Variants in CNTLN observed in about 807,000 individuals in gnomAD.
CNTLN encodes the protein centlein, centrosomal protein.
Under a neutral mutation model 180.0 loss-of-function variants are expected in CNTLN, and 212 were observed. The ratio of observed to expected loss-of-function variants is 1.18; its 90% confidence interval spans 1.05 to 1.32. The LOEUF (loss-of-function observed/expected upper bound fraction) is 1.32, where lower values mean the gene tolerates loss of function less well. Ranked by LOEUF, CNTLN falls within the 40% of genes most tolerant of loss-of-function variation. CNTLN has a pLI of 0.00. For missense variants in CNTLN, 2,095 were observed against 1,610.9 expected (o/e 1.30, Z -5.14); for synonymous variants, 722 against 563.1 (o/e 1.28, Z -3.99).
intron 15 of CNTLN, among the ~76,000 whole-genome samples, chr9:17,400,547 A>G (rs1826891441): frequency 6.6e-6 from 1 of 152,196 alleles, no homozygotes; most frequent in African/African-American, 2.4e-5. Context: ...GACCATAGGC[A>G]TGCTATTTGA....
At position 17,289,152 on chromosome 9, in the gene CNTLN, G is replaced by A. The variant is rs569416904; in HGVS notation, c.984-9038G>A. ...GATTTTGCAGCGGCTGGTACCAGTT[G>A]TTCCTTTCCATGTTTAGCGCTTCCT... is the stretch of plus-strand genomic sequence containing the variant. On this transcript the variant is annotated intron_variant, in intron 6 of 25. Transcript: ENST00000380647. Among the ~76,000 whole-genome samples, 364 of 115,508 alleles carry A rather than the reference G, an allele frequency of 3.2e-3. 47 individuals are homozygous for A. The highest frequency in any genetic ancestry group is 5.0e-3 in the Admixed American group (58 of 11,686). The allele number at this position is 115,508 out of a possible 152,430, so 75.8% of individuals were successfully genotyped here. A position where few individuals can be genotyped will look rare whatever the true frequency, so the allele number is the denominator to read the frequency against.
At chr9:17,211,195 C>T (rs1454367993) in intron 2 of CNTLN, among the ~76,000 whole-genome samples, 3 of 152,078 alleles carry the variant, frequency 2.0e-5, no homozygotes, top group East Asian at 1.9e-4. Context: ...TTAGGTCTAA[C>T]GTTTAAGTCT....
At position 17,325,556 on chromosome 9, in the gene CNTLN, TACAC is replaced by T. The variant is rs142190202; in HGVS notation, c.1342-5059_1342-5056del. Among the ~76,000 whole-genome samples, 5 of 147,536 alleles carry T rather than the reference TACAC, an allele frequency of 3.4e-5. 1 individual carries two copies. The highest frequency in any genetic ancestry group is 7.4e-5 in the African/African-American group (3 of 40,448). On this transcript the variant is annotated intron_variant, in intron 8 of 25. Coordinates refer to ENST00000380647, the MANE Select transcript of CNTLN (RefSeq NM_017738.4). ...TATATACACATGTAACAGATTTTATTACACACACACACACACACACGCACACACA... is the reference window on the plus strand; with the variant it reads ...TATATACACATGTAACAGATTTTATTACACACACACACACACGCACACACA...
chr9:17,219,212 C>T (rs1213251452), intron 2 of CNTLN, among the ~76,000 whole-genome samples: 1 of 150,760 alleles, frequency 6.6e-6, no homozygotes, highest in Non-Finnish European at 1.5e-5. Context: ...AGTCATTGAT[C>T]ATCATCAGCT....
chr9:17,173,582 T>A (rs1388685939), intron 2 of CNTLN, among the ~76,000 whole-genome samples: 4 of 152,158 alleles, frequency 2.6e-5, no homozygotes, highest in Admixed American at 2.6e-4. Flanking sequence ...AACATTCTTA[T>A]TCCTGATTTT....
chr9:17,261,886 A>G (rs1403248303), intron 5 of CNTLN, among the ~76,000 whole-genome samples: 4 of 151,388 alleles, frequency 2.6e-5, no homozygotes, highest in Admixed American at 6.6e-5. Context: ...TTACAAGTAA[A>G]AAACAACCCC....
chr9:17,186,377 G>T (rs1163334530), intron 2 of CNTLN, among the ~76,000 whole-genome samples: 1 of 152,164 alleles, frequency 6.6e-6, no homozygotes, highest in South Asian at 2.1e-4. Flanking sequence ...TAGGATTCAT[G>T]TTGGTAAGCA....
intron 2 of CNTLN, among the ~76,000 whole-genome samples, chr9:17,187,565 A>G (rs1821510502): frequency 6.6e-6 from 1 of 151,956 alleles, no homozygotes; most frequent in African/African-American, 2.4e-5. Context: ...CAAATAAATT[A>G]TTTACTTTTG....
chr9:17,512,617 C>G, the CNTLN span, among the ~76,000 whole-genome samples: 1 of 137,204 alleles, frequency 7.3e-6, no homozygotes, highest in Non-Finnish European at 1.6e-5. Flanking sequence ...ATGTAACAAA[C>G]TTGCACAGGT....
At chr9:17,433,642 T>A (rs1829565924) in intron 18 of CNTLN, among the ~76,000 whole-genome samples, 1 of 152,066 alleles carries the variant, frequency 6.6e-6, no homozygotes, top group Non-Finnish European at 1.5e-5. Context: ...TTTTTGTTGT[T>A]GTTGAGACAG....
intron 13 of CNTLN, among the ~76,000 whole-genome samples, chr9:17,381,767 G>A (rs1825272766): frequency 2.0e-5 from 3 of 152,170 alleles, no homozygotes; most frequent in African/African-American, 7.2e-5. Flanking sequence ...CAGGTCTGTT[G>A]GTTGGCTGGA....
chr9:17,492,397 A>T (rs1013160971), intron 25 of CNTLN, among the ~76,000 whole-genome samples: 2 of 152,100 alleles, frequency 1.3e-5, no homozygotes, highest in Non-Finnish European at 2.9e-5. Context: ...TCAACCAAAT[A>T]TAAAGAGATT....
At chr9:17,162,297 G>A (rs972259048) in intron 2 of CNTLN, among the ~76,000 whole-genome samples, 2 of 152,028 alleles carry the variant, frequency 1.3e-5, no homozygotes, top group African/African-American at 4.8e-5. Flanking sequence ...TGTATTTTTA[G>A]TAGAGACAGG....
Position 17,135,260 on chromosome 9 carries a change from C to T in CNTLN, c.195C>T (p.Gly65=). 1.9e-6 allele frequency: 3 copies of T among 1,603,048 alleles called. No homozygotes were observed. Among genetic ancestry groups the T allele is most frequent in the Admixed American group, 1.7e-5 (1 of 58,328 alleles). The change falls in exon 1 of 26, where the codon GGC becomes GGT. Residue 65 remains glycine, a synonymous_variant. Coordinates refer to ENST00000380647, the MANE Select transcript of CNTLN (RefSeq NM_017738.4). The stretch of plus-strand genomic sequence containing the variant: ...GGGTGGGTGAAGAAGGGTCAGGGGG[C>T]CGGCGAGGGCCTGGGGGGGCAGCTC... ...KIWVGEEGSG[G]RRGPGGAAPA...
intron 5 of CNTLN, among the ~76,000 whole-genome samples, chr9:17,237,002 A>C (rs1246967394): frequency 6.6e-6 from 1 of 152,120 alleles, no homozygotes; most frequent in Non-Finnish European, 1.5e-5. Context: ...AAACAATACA[A>C]ATACGTGGTT....
chr9:17,402,144 A>C (rs1304534204), intron 15 of CNTLN, among the ~76,000 whole-genome samples: 1 of 151,796 alleles, frequency 6.6e-6, no homozygotes, highest in Non-Finnish European at 1.5e-5. Flanking sequence ...TTCTGTTGAC[A>C]ACTGTTCTCT....
intron 16 of CNTLN, among the ~76,000 whole-genome samples, chr9:17,412,882 C>T (rs1039810517): frequency 3.3e-5 from 5 of 151,896 alleles, no homozygotes; most frequent in Non-Finnish European, 5.9e-5. Context: ...CAAAATAGAC[C>T]TAAAACAAAA....
At chr9:17,369,573 T>C (rs1198752004) in intron 13 of CNTLN, among the ~76,000 whole-genome samples, 5 of 151,108 alleles carry the variant, frequency 3.3e-5, no homozygotes, top group Non-Finnish European at 5.9e-5. Context: ...ACAAAGTGAT[T>C]GAAAAAATAA....
At chr9:17,201,001 G>A (rs570047419) in intron 2 of CNTLN, among the ~76,000 whole-genome samples, 10 of 152,270 alleles carry the variant, frequency 6.6e-5, no homozygotes, top group East Asian at 3.9e-4. Flanking sequence ...TTTGCGATAC[G>A]TTCCATCAAT....
Sources: gnomAD v4.1 joint callset for allele counts (sites outside exome capture counted in the v4.1 genomes callset) on GRCh38, gnomAD v4.1.1 for gene constraint, MANE v1.5 for transcripts, NCBI Gene and HGNC (gene_info 2026-07-23, HGNC 2026-07-21) for gene names.